The following MICU3 variants were observed in gnomAD, a reference collection of about 807,000 sequenced individuals.
The protein encoded by MICU3 is calcium uptake protein 3, mitochondrial.
A neutral mutation model predicts 66.5 loss-of-function variants in MICU3; 62 were observed. That is an observed-to-expected ratio of 0.93 (90% CI 0.76 to 1.15). The LOEUF (loss-of-function observed/expected upper bound fraction) is 1.15. Among genes scored for constraint, MICU3 ranks in the 50% most tolerant of loss-of-function variants. The pLI, the probability that MICU3 is intolerant of heterozygous loss-of-function variation, is 0.00. For synonymous variants in MICU3, 308 were observed against 240.7 expected, an observed-to-expected ratio of 1.28 and a Z score of -2.59; for missense variants, 779 against 664.4, an observed-to-expected ratio of 1.17 and a Z score of -1.90.
At chr8:17,042,148 T>C (rs1413844227) in intron 1 of MICU3, among the ~76,000 whole-genome samples, 1 of 152,228 alleles carries the variant, frequency 6.6e-6, no homozygotes, top group Non-Finnish European at 1.5e-5. Context: ...TCTTTTTTGA[T>C]TTGTATAAAC....
At chr8:17,138,518 C>G in the MICU3 span, among the ~76,000 whole-genome samples, 1 of 152,048 alleles carries the variant, frequency 6.6e-6, no homozygotes, top group East Asian at 1.9e-4. Context: ...CAAATGATGT[C>G]CACTTTGTCT....
chr8:17,108,670 T>TG (rs759549401), intron 11 of MICU3, among the ~76,000 whole-genome samples: 3 of 152,196 alleles, frequency 2.0e-5, no homozygotes, highest in Non-Finnish European at 4.4e-5. Flanking sequence ...CATTCTGTCT[T>TG]GCCTGGAGTG....
chr8:17,118,914 C>G (rs1802954770), intron 14 of MICU3, 139 bp downstream of exon 14: 4 of 511,858 alleles, frequency 7.8e-6, no homozygotes. Context: ...ATTAGAGTAT[C>G]TTGATTGAAA....
intron 8 of MICU3, 42 bp downstream of exon 8, chr8:17,090,626 C>T: frequency 7.1e-7 from 1 of 1,409,984 alleles, no homozygotes; most frequent in Non-Finnish European, 9.8e-7. Context: ...ATATAGCCCT[C>T]ACCTGTTATA....
intron 1 of MICU3, among the ~76,000 whole-genome samples, chr8:17,036,147 G>A (rs150816550): frequency 0.017 from 2,563 of 152,164 alleles, 72 homozygotes; most frequent in African/African-American, 0.058. Flanking sequence ...TGGTGGGTTC[G>A]TGGTCTCGCT....
the MICU3 span, among the ~76,000 whole-genome samples, chr8:17,136,002 A>G: frequency 6.6e-6 from 1 of 152,126 alleles, no homozygotes; most frequent in Admixed American, 6.6e-5. Context: ...TTCTTCATCT[A>G]TAAAGTAGAG....
intron 3 of MICU3, among the ~76,000 whole-genome samples, chr8:17,074,983 T>C (rs73194723): frequency 0.14 from 21,361 of 152,130 alleles, 1,820 homozygotes; most frequent in Admixed American, 0.22. Context: ...CTGACCTTAC[T>C]GTCTACAAGT....
chr8:17,138,414 C>A, the MICU3 span, among the ~76,000 whole-genome samples: 1 of 151,928 alleles, frequency 6.6e-6, no homozygotes. Flanking sequence ...TGGTGGACCA[C>A]GAGGAAATGA....
At chr8:17,076,271 G>A (rs2150700633) in intron 3 of MICU3, among the ~76,000 whole-genome samples, 1 of 152,206 alleles carries the variant, frequency 6.6e-6, no homozygotes, top group South Asian at 2.1e-4. Context: ...TTGGATTCAA[G>A]GGATCTACCC....
intron 1 of MICU3, among the ~76,000 whole-genome samples, chr8:17,050,498 G>C (rs1815886579): frequency 6.6e-6 from 1 of 151,898 alleles, no homozygotes; most frequent in African/African-American, 2.4e-5. Flanking sequence ...TATAGTCCCT[G>C]TTTATTAAAA....
chr8:17,062,852 C>T (rs1818057133), intron 1 of MICU3, among the ~76,000 whole-genome samples: 1 of 150,868 alleles, frequency 6.6e-6, no homozygotes, highest in Non-Finnish European at 1.5e-5. Flanking sequence ...GTACTCCAGC[C>T]TGGGTGACAG....
intron 3 of MICU3, among the ~76,000 whole-genome samples, chr8:17,072,911 G>C (rs1251191343): frequency 6.6e-6 from 1 of 152,080 alleles, no homozygotes; most frequent in African/African-American, 2.4e-5. Context: ...TTTTGAGATA[G>C]AGTCTCTCCC....
chr8:17,042,452 G>C (rs1814312357), intron 1 of MICU3, among the ~76,000 whole-genome samples: 1 of 152,190 alleles, frequency 6.6e-6, no homozygotes, highest in African/African-American at 2.4e-5. Context: ...AAAATGCCTA[G>C]TCATTTGTGT....
intron 11 of MICU3, 126 bp from the exon 12 acceptor site, chr8:17,113,966 GC>G: frequency 1.8e-6 from 1 of 548,860 alleles, no homozygotes; most frequent in Non-Finnish European, 3.1e-6. Flanking sequence ...GTCAAAATGT[GC>G]CCTGGAAATG....
chr8:17,106,841 C>T (rs142223336), intron 11 of MICU3, among the ~76,000 whole-genome samples: 4 of 151,436 alleles, frequency 2.6e-5, no homozygotes, highest in African/African-American at 7.3e-5. Context: ...GATACTTAGA[C>T]CGTTGTCCAA....
chr8:17,091,793 A>G (rs540667151), intron 8 of MICU3, among the ~76,000 whole-genome samples: 1 of 152,114 alleles, frequency 6.6e-6, no homozygotes, highest in Non-Finnish European at 1.5e-5. Flanking sequence ...TGATTTCAAC[A>G]ATTTCTGGAA....
the MICU3 span, chr8:17,132,463 T>C: frequency 6.6e-6 from 1 of 152,192 alleles, no homozygotes; most frequent in Non-Finnish European, 1.5e-5. Flanking sequence ...CACTTTTCTA[T>C]TGCATATGGA....
intron 7 of MICU3, among the ~76,000 whole-genome samples, chr8:17,088,538 C>G (rs965400377): frequency 1.3e-5 from 2 of 151,746 alleles, no homozygotes; most frequent in Admixed American, 1.3e-4. Flanking sequence ...TAATAAAATA[C>G]TATTTAAGGA....
intron 8 of MICU3, among the ~76,000 whole-genome samples, chr8:17,091,549 A>T (rs1800057020): frequency 2.0e-5 from 3 of 152,136 alleles, no homozygotes; most frequent in Non-Finnish European, 4.4e-5. Context: ...TCTGTTACAG[A>T]TTTAAACAGC....
Sources: allele counts gnomAD v4.1 joint callset (sites outside exome capture counted in the v4.1 genomes callset), GRCh38; gene constraint gnomAD v4.1.1; transcripts MANE v1.5; gene names NCBI Gene and HGNC (gene_info 2026-07-23, HGNC 2026-07-21).